The following SOX5 variants were observed in gnomAD, a reference collection of about 807,000 sequenced individuals.
SOX5 encodes the protein transcription factor SOX-5.
Under a neutral mutation model 92.0 loss-of-function variants are expected in SOX5, and 9 were observed. That is an observed-to-expected ratio of 0.10 (90% CI 0.06 to 0.17). The LOEUF (loss-of-function observed/expected upper bound fraction) is 0.17. Among genes scored for constraint, SOX5 ranks in the 10% least tolerant of loss-of-function variants. SOX5 has a pLI of 1.00. For synonymous variants in SOX5, 344 were observed against 336.3 expected (o/e 1.02, Z -0.25); for missense variants, 642 against 944.5 (o/e 0.68, Z 4.20).
intron 2 of SOX5, among the ~76,000 whole-genome samples, chr12:23,891,525 T>C (rs1464751168): frequency 3.9e-5 from 6 of 152,196 alleles, no homozygotes; most frequent in Non-Finnish European, 8.8e-5. Flanking sequence ...CAATACAAAA[T>C]ATATACCTCC....
chr12:23,758,089 C>G (rs998238047), intron 3 of SOX5, among the ~76,000 whole-genome samples: 8 of 143,798 alleles, frequency 5.6e-5, no homozygotes, highest in African/African-American at 1.8e-4. Flanking sequence ...AGAAACATAT[C>G]TAAATCACGG....
intron 11 of SOX5, among the ~76,000 whole-genome samples, chr12:23,548,661 G>T (rs1335783884): frequency 1.3e-5 from 2 of 151,932 alleles, no homozygotes; most frequent in East Asian, 3.9e-4. Flanking sequence ...TAAAAAAAGT[G>T]TGGACAATAA....
intron 1 of SOX5, among the ~76,000 whole-genome samples, chr12:23,906,117 T>C (rs1393055874): frequency 6.6e-6 from 1 of 152,202 alleles, no homozygotes; most frequent in Non-Finnish European, 1.5e-5. Flanking sequence ...ACAAGTCCAA[T>C]AGGAGCATTT....
chr12:23,709,406 A>G (rs1006497420), intron 6 of SOX5, among the ~76,000 whole-genome samples: 1 of 152,130 alleles, frequency 6.6e-6, no homozygotes, highest in Non-Finnish European at 1.5e-5. Flanking sequence ...TGCCCAGACA[A>G]GGGCTCCTTT....
At chr12:24,450,718 T>C (rs1027770460) in intron 1 of SOX5, among the ~76,000 whole-genome samples, 7 of 152,164 alleles carry the variant, frequency 4.6e-5, no homozygotes, top group Admixed American at 1.3e-4. Context: ...CTTAAACTCC[T>C]GACGTCAAGT....
chr12:23,853,276 G>A (rs2096652735), intron 2 of SOX5, among the ~76,000 whole-genome samples: 1 of 151,008 alleles, frequency 6.6e-6, no homozygotes, highest in African/African-American at 2.4e-5. Context: ...TCACAAAATT[G>A]AATTGTGAAA....
At chr12:23,974,685 CAAGAAAATAT>C (rs1569343684) in intron 4 of SOX5, among the ~76,000 whole-genome samples, 2 of 151,870 alleles carry the variant, frequency 1.3e-5, no homozygotes, top group African/African-American at 4.8e-5. Flanking sequence ...AATCATCTTG[CAAGAAAATAT>C]AAGGGAAAAT....
At chr12:23,715,741 G>C (rs1317529812) in intron 6 of SOX5, among the ~76,000 whole-genome samples, 3 of 147,566 alleles carry the variant, frequency 2.0e-5, no homozygotes, top group Non-Finnish European at 4.4e-5. Context: ...AAATATGAGT[G>C]GTAACACATG....
At chr12:23,614,964 G>A (rs2076382275) in intron 8 of SOX5, among the ~76,000 whole-genome samples, 1 of 152,076 alleles carries the variant, frequency 6.6e-6, no homozygotes, top group African/African-American at 2.4e-5. Flanking sequence ...ACCGCGCCCA[G>A]CTAATTTTTT....
chr12:24,377,752 G>A (rs1351710284), intron 1 of SOX5, among the ~76,000 whole-genome samples: 2 of 152,182 alleles, frequency 1.3e-5, no homozygotes, highest in African/African-American at 2.4e-5. Context: ...CATCTGTAAA[G>A]TCTGAGAAAC....
rs1938788182 is a variant in SOX5, at chr12:23,530,712, T to A, written c.*3507A>T. On this transcript the variant is annotated 3_prime_UTR_variant, in exon 15 of 15. Transcript: ENST00000451604. Reference sequence around the variant, plus strand: ...CCGGTAATGTTCTCTTAGATTCATATGAAAACAGGACTATTTTTAGAGAAA... The same window carrying A: ...CCGGTAATGTTCTCTTAGATTCATAAGAAAACAGGACTATTTTTAGAGAAA... 6.6e-6 allele frequency: 1 copy of A among 152,106 alleles called. No homozygotes were observed. The highest frequency in any genetic ancestry group is 2.1e-4 in the South Asian group (1 of 4,824). 9.4% of individuals were successfully genotyped at this position (152,106 alleles called of 1,614,324 possible). A position where few individuals can be genotyped will look rare whatever the true frequency, so the allele number is the denominator to read the frequency against.
chr12:23,698,677 A>T (rs1046127373), intron 6 of SOX5, among the ~76,000 whole-genome samples: 2 of 152,002 alleles, frequency 1.3e-5, no homozygotes, highest in Non-Finnish European at 2.9e-5. Flanking sequence ...GCTTCTTTCT[A>T]TGCATGCTAT....
intron 3 of SOX5, among the ~76,000 whole-genome samples, chr12:23,829,511 C>A (rs575160725): frequency 6.6e-6 from 1 of 152,264 alleles, no homozygotes; most frequent in South Asian, 2.1e-4. Flanking sequence ...ACAAGAGGGA[C>A]TGGCACATTC....
chr12:24,119,340 A>C (rs1948392737), intron 4 of SOX5, among the ~76,000 whole-genome samples: 1 of 152,104 alleles, frequency 6.6e-6, no homozygotes, highest in Admixed American at 6.5e-5. Context: ...CACCATCAAC[A>C]TTGGGAGAAA....
intron 6 of SOX5, among the ~76,000 whole-genome samples, chr12:23,678,489 A>G (rs1441815836): frequency 6.6e-6 from 1 of 152,106 alleles, no homozygotes; most frequent in African/African-American, 2.4e-5. Flanking sequence ...TGGCAATTCT[A>G]ATTTTATATA....
intron 3 of SOX5, among the ~76,000 whole-genome samples, chr12:24,256,899 T>C (rs927252302): frequency 2.6e-5 from 4 of 152,326 alleles, no homozygotes; most frequent in African/African-American, 9.6e-5. Flanking sequence ...AATTCCTCTT[T>C]AGCATCCCTG....
intron 1 of SOX5, among the ~76,000 whole-genome samples, chr12:24,525,639 A>G (rs1950635779): frequency 6.6e-6 from 1 of 152,000 alleles, no homozygotes; most frequent in South Asian, 2.1e-4. Flanking sequence ...TGGGAGGCCG[A>G]GGCGAATGGA....
intron 2 of SOX5, among the ~76,000 whole-genome samples, chr12:23,851,553 TACAG>T (rs142537076): frequency 0.064 from 9,773 of 152,200 alleles, 427 homozygotes; most frequent in Middle Eastern, 0.099. Flanking sequence ...AGTCAGCACT[TACAG>T]ACAGACCTCT....
At chr12:23,989,549 C>T (rs917410629) in intron 4 of SOX5, among the ~76,000 whole-genome samples, 13 of 152,082 alleles carry the variant, frequency 8.5e-5, no homozygotes, top group Non-Finnish European at 1.6e-4. Flanking sequence ...TGTCTGTATC[C>T]TCCCAAAATT....
Sources: gnomAD v4.1 joint callset for allele counts (sites outside exome capture counted in the v4.1 genomes callset) on GRCh38, gnomAD v4.1.1 for gene constraint, MANE v1.5 for transcripts, NCBI Gene and HGNC (gene_info 2026-07-23, HGNC 2026-07-21) for gene names.